DSCAM: variants seen among roughly 807,000 people sequenced by gnomAD.
DSCAM encodes cell adhesion molecule DSCAM.
Under a neutral mutation model 217.7 loss-of-function variants are expected in DSCAM, and 47 were observed. The observed-to-expected ratio is 0.22, with a 90% CI of 0.17 to 0.28. DSCAM has a LOEUF of 0.28. DSCAM is among the 10% of genes least tolerant of loss of function. The pLI, the probability that DSCAM is intolerant of heterozygous loss-of-function variation, is 1.00. For missense variants in DSCAM, 2,080 were observed against 2,618.3 expected, an observed-to-expected ratio of 0.79 and a Z score of 4.49; for synonymous variants, 1,056 against 1,015.3, an observed-to-expected ratio of 1.04 and a Z score of -0.76.
chr21:40,442,353 A>AT (rs2075637621), intron 3 of DSCAM, among the ~76,000 whole-genome samples: 1 of 151,576 alleles, frequency 6.6e-6, no homozygotes. Context: ...GAGTGATTTT[A>AT]TTTTTTAAAA....
At chr21:40,770,868 A>G (rs566483249) in intron 1 of DSCAM, among the ~76,000 whole-genome samples, 156 of 152,374 alleles carry the variant, frequency 1.0e-3, no homozygotes, top group African/African-American at 3.5e-3. Flanking sequence ...TACTAAACAG[A>G]TGCAGAGGCA....
At chr21:40,618,555 T>C (rs1231166905) in intron 3 of DSCAM, 9 of 152,178 alleles carry the variant, frequency 5.9e-5, no homozygotes, top group Non-Finnish European at 1.2e-4. Flanking sequence ...TTCTGCACAT[T>C]TGTGCTTTGT....
rs113192202 is a variant in DSCAM, at chr21:40,362,150, G to A, written c.655+6949C>T. On this transcript the variant is annotated intron_variant, in intron 4 of 32. Coordinates refer to ENST00000400454, the MANE Select transcript of DSCAM (RefSeq NM_001389.5). Reference sequence around the variant, plus strand: ...GTATTCCATGGTGTATATGTGCCACGTTTTCTTAATCCAGTCTATCATTGT... The same window carrying A: ...GTATTCCATGGTGTATATGTGCCACATTTTCTTAATCCAGTCTATCATTGT... Among the ~76,000 whole-genome samples, 6 of 152,034 alleles carry A rather than the reference G, an allele frequency of 3.9e-5. No individual in the cohort carries two copies. In the East Asian group the frequency reaches 5.8e-4, roughly 15 times the overall value.
intron 3 of DSCAM, among the ~76,000 whole-genome samples, chr21:40,591,379 A>G (rs560517876): frequency 1.3e-5 from 2 of 152,328 alleles, no homozygotes; most frequent in East Asian, 3.9e-4. Context: ...ACCATTGCCA[A>G]TAAAGTACTG....
intron 16 of DSCAM, among the ~76,000 whole-genome samples, chr21:40,155,988 C>A (rs9982099): frequency 0.37 from 56,032 of 151,702 alleles, 10,669 homozygotes; most frequent in East Asian, 0.52. Flanking sequence ...CTGACATGCA[C>A]ACAGGGCAGC....
At chr21:40,257,498 A>ACACACACACACACAC (rs57376473) in intron 11 of DSCAM, among the ~76,000 whole-genome samples, 14 of 150,344 alleles carry the variant, frequency 9.3e-5, no homozygotes, top group African/African-American at 1.5e-4. Context: ...ACACACACAC[A>ACACACACACACACAC]ATGGCAAACG....
intron 10 of DSCAM, among the ~76,000 whole-genome samples, chr21:40,281,601 A>T (rs1183872618): frequency 2.0e-5 from 3 of 152,138 alleles, no homozygotes; most frequent in Non-Finnish European, 4.4e-5. Flanking sequence ...TACAAACGTT[A>T]TCTCCTTCAG....
rs575610727 is a variant in DSCAM at position 40,642,005 on chromosome 21, G to A, written c.508+50805C>T. ...AGAGGTTCCAGTGAGCTGAGATTGC[G>A]CCATTGCACTCTGCCTGGGTGACAG... On this transcript the variant is annotated intron_variant, in intron 3 of 32. Transcript: ENST00000400454. Among the ~76,000 whole-genome samples, 11 of 143,814 alleles carry A rather than the reference G, an allele frequency of 7.6e-5. No homozygotes were observed. The South Asian group carries it at 8.7e-4, about 11-fold the overall frequency. 94.3% of individuals were successfully genotyped at this position (143,814 alleles called of 152,430 possible).
chr21:40,256,100 G>A (rs981377048), intron 11 of DSCAM, among the ~76,000 whole-genome samples: 3 of 152,142 alleles, frequency 2.0e-5, no homozygotes, highest in Non-Finnish European at 4.4e-5. Flanking sequence ...TGTATGTTTT[G>A]GACTTGAGTC....
At chr21:40,305,124 T>C (rs1479289073) in intron 9 of DSCAM, among the ~76,000 whole-genome samples, 1 of 152,092 alleles carries the variant, frequency 6.6e-6, no homozygotes, top group Non-Finnish European at 1.5e-5. Flanking sequence ...GCATGGTGGC[T>C]CACTCCTGTA....
intron 3 of DSCAM, among the ~76,000 whole-genome samples, chr21:40,669,918 G>C (rs534224053): frequency 2.0e-4 from 29 of 147,900 alleles, no homozygotes; most frequent in African/African-American, 5.9e-4. Flanking sequence ...ATTTTCTAAG[G>C]CTTGATTTTT....
rs1409031361 is a variant in DSCAM at position 40,369,257 on chromosome 21, GA to G, written c.509-13del. 1.2e-6 allele frequency: 2 copies of G among 1,603,750 alleles called. No individual in the cohort carries two copies. Among genetic ancestry groups the G allele is most frequent in the Middle Eastern group, 1.7e-4 (1 of 5,884 alleles). On this transcript the variant is annotated splice_polypyrimidine_tract_variant and intron_variant, in intron 3 of 32. Coordinates refer to ENST00000400454, the MANE Select transcript of DSCAM (RefSeq NM_001389.5). The stretch of plus-strand genomic sequence containing the variant: ...GAGAAATCTAGATCCTGAAATAGAG[GA>G]AAACAGTGGCTTGGTTAAAAGACAA...
chr21:40,193,714 A>G (rs2090977827), intron 11 of DSCAM, among the ~76,000 whole-genome samples: 1 of 152,216 alleles, frequency 6.6e-6, no homozygotes, highest in Non-Finnish European at 1.5e-5. Flanking sequence ...TATGGTCAGG[A>G]TTTCCTATTT....
chr21:40,716,734 A>G (rs1371461554), intron 1 of DSCAM, among the ~76,000 whole-genome samples: 1 of 152,218 alleles, frequency 6.6e-6, no homozygotes, highest in African/African-American at 2.4e-5. Context: ...TGACACAAGC[A>G]TTCACTGATG....
chr21:40,353,607 G>C lies in DSCAM; in HGVS notation c.792C>G (p.Pro264=). 1 of 1,611,454 alleles carries C rather than the reference G, an allele frequency of 6.2e-7. No individual in the cohort carries two copies. Among genetic ancestry groups the C allele is most frequent in the Non-Finnish European group, 8.5e-7 (1 of 1,179,384 alleles). ...TCTGGAACCTCCCTGAAAGTTCCAG[G>C]GGCATGTTGTCCTTCAGCCAGCGGT... ...PDYRWLKDNM[P]LELSGRFQKT... Residue 264 remains proline (P), a synonymous_variant, in exon 5 of 33, where the codon CCC becomes CCG. Coordinates refer to ENST00000400454, the MANE Select transcript of DSCAM (RefSeq NM_001389.5).
chr21:40,709,985 A>T (rs1189835535), intron 1 of DSCAM, among the ~76,000 whole-genome samples: 1 of 152,114 alleles, frequency 6.6e-6, no homozygotes, highest in Admixed American at 6.5e-5. Context: ...ATTTCTCCAC[A>T]TCCTCTCCAG....
At chr21:40,793,616 G>C (rs980624426) in intron 1 of DSCAM, among the ~76,000 whole-genome samples, 1 of 151,830 alleles carries the variant, frequency 6.6e-6, no homozygotes, top group Non-Finnish European at 1.5e-5. Context: ...TCAGCCTCCC[G>C]GGTAGCTGGG....
At chr21:40,181,814 AG>A (rs2146808647) in intron 14 of DSCAM, among the ~76,000 whole-genome samples, 1 of 152,178 alleles carries the variant, frequency 6.6e-6, no homozygotes, top group East Asian at 1.9e-4. Context: ...GTGGGTTTGT[AG>A]GAAGACTGAG....
intron 4 of DSCAM, among the ~76,000 whole-genome samples, chr21:40,357,559 T>C (rs923595412): frequency 9.2e-5 from 14 of 152,148 alleles, no homozygotes; most frequent in African/African-American, 3.1e-4. Flanking sequence ...ATAAACACCA[T>C]TGCAATATTG....
Sources: allele counts gnomAD v4.1 joint callset (sites outside exome capture counted in the v4.1 genomes callset), GRCh38; gene constraint gnomAD v4.1.1; transcripts MANE v1.5; gene names NCBI Gene and HGNC (gene_info 2026-07-23, HGNC 2026-07-21).